MRC2: variants seen among roughly 807,000 people sequenced by gnomAD.
MRC2 encodes the protein mannose receptor C-type 2, also known as C-type mannose receptor 2.
Under a neutral mutation model 206.2 loss-of-function variants are expected in MRC2, and 84 were observed. The ratio of observed to expected loss-of-function variants is 0.41; its 90% CI spans 0.34 to 0.49. MRC2 has a LOEUF of 0.49. Among genes scored for constraint, MRC2 ranks in the 20% least tolerant of loss-of-function variants. The pLI is 0.31. For missense variants in MRC2, 1,676 were observed against 2,001.5 expected (o/e 0.84, Z 3.10); for synonymous variants, 798 against 800.0 (o/e 1.00, Z 0.04).
At chr17:62,634,275 A>G (rs2088284018) in intron 1 of MRC2, among the ~76,000 whole-genome samples, 1 of 152,122 alleles carries the variant, frequency 6.6e-6, no homozygotes, top group Non-Finnish European at 1.5e-5. Flanking sequence ...TTAGTGTATA[A>G]AAAAATGGGC....
Position 62,672,852 on chromosome 17 carries a change from C to T in MRC2, c.1461+700C>T, listed in dbSNP as rs1051678484. 6.6e-5 allele frequency among the ~76,000 whole-genome samples: 10 copies of T among 152,122 alleles called. No homozygotes were observed. The highest frequency in any genetic ancestry group is 2.4e-4 in the African/African-American group (10 of 41,486). On this transcript the variant is annotated intron_variant, in intron 8 of 29. Transcript: ENST00000303375. This position sits in a 1 kb window ranked among gnomAD's most constrained non-coding sequence, Gnocchi z 4.5. The stretch of plus-strand genomic sequence containing the variant: ...ACTAAAAATACAAAAATTAGCCAGG[C>T]GTGGTGGCAGATGCCTGTAATCCCA...
At chr17:62,655,113 GTC>G (rs1456167064) in intron 1 of MRC2, among the ~76,000 whole-genome samples, 4 of 152,162 alleles carry the variant, frequency 2.6e-5, no homozygotes, top group Non-Finnish European at 4.4e-5. Context: ...GTGAAACCCT[GTC>G]TCTACTATAA....
chr17:62,672,333 T>C lies in MRC2; in HGVS notation c.1461+181T>C, dbSNP rs1412980101. 6.6e-6 allele frequency among the ~76,000 whole-genome samples: 1 copy of C among 152,094 alleles called. No individual in the cohort carries two copies. Among genetic ancestry groups the C allele is most frequent in the Non-Finnish European group, 1.5e-5 (1 of 68,006 alleles). ...ATGTGAGAGACTGCCGGGGCTTGAA[T>C]CCTACCTCCACCTCCACCTCCAAGT... On this transcript the variant is annotated intron_variant, in intron 8 of 29. Coordinates refer to ENST00000303375, the MANE Select transcript of MRC2 (RefSeq NM_006039.5). The surrounding 1 kb of genome is among the most constrained non-coding windows in gnomAD (Gnocchi z 4.5).
chr17:62,628,086 G>T (rs914025026), intron 1 of MRC2, among the ~76,000 whole-genome samples, 166 bp downstream of exon 1: 2 of 152,160 alleles, frequency 1.3e-5, no homozygotes, highest in East Asian at 1.9e-4. Context: ...TTCTGAAAGC[G>T]GGGGAGGAGA....
At chr17:62,655,983 C>G (rs1046032700) in intron 1 of MRC2, among the ~76,000 whole-genome samples, 1 of 152,070 alleles carries the variant, frequency 6.6e-6, no homozygotes, top group Non-Finnish European at 1.5e-5. Context: ...TCAGACTCCT[C>G]GGCTCAGTTA....
intron 1 of MRC2, among the ~76,000 whole-genome samples, chr17:62,646,313 C>T (rs184402922): frequency 1.4e-3 from 208 of 152,160 alleles, no homozygotes; most frequent in African/African-American, 3.3e-3. Flanking sequence ...CGTGAGCCAC[C>T]GCGCCCGGCC....
chr17:62,665,599 C>G (rs1228264343), intron 2 of MRC2, among the ~76,000 whole-genome samples: 3 of 152,196 alleles, frequency 2.0e-5, no homozygotes, highest in Non-Finnish European at 4.4e-5. Flanking sequence ...TGTAGCCCCC[C>G]ATGTTGTCTT....
At chr17:62,685,754 C>T (rs2089023980) in intron 20 of MRC2, among the ~76,000 whole-genome samples, 1 of 152,090 alleles carries the variant, frequency 6.6e-6, no homozygotes, top group Non-Finnish European at 1.5e-5. Context: ...GTTGTCCAGG[C>T]TGGTTTTGAA....
rs2088698050 is a variant in MRC2, at chr17:62,662,895, G to A, written c.119-1653G>A. 2.0e-5 allele frequency among the ~76,000 whole-genome samples: 3 copies of A among 152,042 alleles called. No homozygotes were observed. In the South Asian group the frequency reaches 6.2e-4, roughly 32 times the overall value. Reference sequence around the variant, plus strand: ...TTGCACTCCAGCCTGGGCAACACGAGCAATAGTCCGTCTCAAAAAAGAAAC... The same window carrying A: ...TTGCACTCCAGCCTGGGCAACACGAACAATAGTCCGTCTCAAAAAAGAAAC... On this transcript the variant is annotated intron_variant, in intron 1 of 29. Transcript: ENST00000303375.
intron 2 of MRC2, among the ~76,000 whole-genome samples, chr17:62,665,686 G>A (rs2088743491): frequency 6.6e-6 from 1 of 152,136 alleles, no homozygotes; most frequent in Non-Finnish European, 1.5e-5. Context: ...GGACAGCCCC[G>A]TCCTGGGGGG....
Position 62,671,148 on chromosome 17 carries a change from T to C in MRC2, c.1118-501T>C, listed in dbSNP as rs748358208. On this transcript the variant is annotated intron_variant, in intron 6 of 29. Transcript: ENST00000303375. This position sits in a 1 kb window ranked among gnomAD's most constrained non-coding sequence, Gnocchi z 4.5. ...GTTTAGTGGTGCAATCATGGCTCAC[T>C]GCAGCCTTGACCTCCCCGGGTCAAG... is the stretch of plus-strand genomic sequence containing the variant. Among the ~76,000 whole-genome samples the C allele has an allele frequency of 1.3e-5, 2 of 152,232 alleles. No homozygotes were observed. Among genetic ancestry groups the C allele is most frequent in the African/African-American group, 4.8e-5 (2 of 41,456 alleles).
In MRC2 at chr17:62,666,204, C is replaced by A. The variant is rs1209039095; in HGVS notation, c.631C>A (p.Leu211Met). The A allele has an allele frequency of 6.2e-7, 1 of 1,603,728 alleles. No individual in the cohort carries two copies. Among genetic ancestry groups the A allele is most frequent in the Non-Finnish European group, 8.5e-7 (1 of 1,175,420 alleles). Reference sequence around the variant, plus strand: ...CAGCACGGGCCGCGAGGATGGTCACCTGTGGTGTGCCACCACCCAGGACTA... The same window carrying A: ...CAGCACGGGCCGCGAGGATGGTCACATGTGGTGTGCCACCACCCAGGACTA... Reference protein sequence around the residue: ...CTSTGREDGHLWCATTQDYGK... With the variant: ...CTSTGREDGHMWCATTQDYGK... Residue 211 changes from leucine (L) to methionine (M), a missense_variant, in exon 3 of 30, where the codon CTG (leucine) becomes ATG (methionine). This residue lies in a region of MRC2 where 318 missense variants were observed against 346.7 expected (regional missense o/e 0.92). Transcript: ENST00000303375. This position sits in a 1 kb window ranked among gnomAD's most constrained non-coding sequence, Gnocchi z 5.0.
Position 62,664,747 on chromosome 17 carries a change from C to T in MRC2, c.318C>T (p.Ser106=), listed in dbSNP as rs908999141. 6.2e-7 allele frequency: 1 copy of T among 1,614,052 alleles called. No individual in the cohort carries two copies. The highest frequency in any genetic ancestry group is 2.2e-5 in the East Asian group (1 of 44,882). ...GGCCAGGCACCAACACCACGGCCTC[C>T]CTGGGCATGTATGAGTGTGACCGGG... is the stretch of plus-strand genomic sequence containing the variant. ...TGWPGTNTTA[S]LGMYECDREA... is the part of the protein sequence containing the mutation. The change falls in exon 2 of 30, where the codon TCC becomes TCT. Residue 106 remains serine, a synonymous_variant. Coordinates refer to ENST00000303375, the MANE Select transcript of MRC2 (RefSeq NM_006039.5). The surrounding 1 kb of genome is among the most constrained non-coding windows in gnomAD (Gnocchi z 4.7).
At chr17:62,649,190 G>A (rs150475209) in intron 1 of MRC2, among the ~76,000 whole-genome samples, 24 of 152,350 alleles carry the variant, frequency 1.6e-4, no homozygotes, top group African/African-American at 5.3e-4. Flanking sequence ...GGGCAGGCCC[G>A]GCTGATCTGT....
At chr17:62,629,591 G>A (rs2084199969) in intron 1 of MRC2, among the ~76,000 whole-genome samples, 1 of 152,202 alleles carries the variant, frequency 6.6e-6, no homozygotes, top group Non-Finnish European at 1.5e-5. Context: ...AGCAGGAGGA[G>A]GATGGAGCTG....
chr17:62,635,191 CTTTTT>C (rs35446845), intron 1 of MRC2, among the ~76,000 whole-genome samples: 5,750 of 101,784 alleles, frequency 0.056, 111 homozygotes, highest in Middle Eastern at 0.15. Flanking sequence ...CTATTTTTCT[CTTTTT>C]TTTTTTTTTT....
At chr17:62,644,880 C>T (rs2147441376) in intron 1 of MRC2, among the ~76,000 whole-genome samples, 1 of 152,252 alleles carries the variant, frequency 6.6e-6, no homozygotes, top group South Asian at 2.1e-4. Context: ...CTGCAGGGAA[C>T]CACCTGGTGC....
intron 1 of MRC2, among the ~76,000 whole-genome samples, chr17:62,648,787 G>A (rs571203623): frequency 7.2e-5 from 11 of 152,330 alleles, no homozygotes; most frequent in African/African-American, 2.6e-4. Flanking sequence ...AAACACTGGA[G>A]TCCTTGGCCG....
In MRC2 at chr17:62,667,129, C is replaced by T. The variant is rs2088767488; in HGVS notation, c.973+259C>T. ...CACCCCTGTGGGCAGCGGGCACCAG[C>T]GCACCCAGCAGCCTGGACGGGGAGG... On this transcript the variant is annotated intron_variant, in intron 5 of 29. Coordinates refer to ENST00000303375, the MANE Select transcript of MRC2 (RefSeq NM_006039.5). The surrounding 1 kb of genome is among the most constrained non-coding windows in gnomAD (Gnocchi z 4.1). 6.6e-6 allele frequency among the ~76,000 whole-genome samples: 1 copy of T among 152,056 alleles called. No individual in the cohort carries two copies. The highest frequency in any genetic ancestry group is 1.5e-5 in the Non-Finnish European group (1 of 67,986).
Sources: gnomAD v4.1 joint callset for allele counts (sites outside exome capture counted in the v4.1 genomes callset) on GRCh38, gnomAD v4.1.1 for gene constraint, gnomAD v4.1.1 regional missense constraint, Gnocchi (gnomAD v3.1) non-coding constraint, MANE v1.5 for transcripts, NCBI Gene and HGNC (gene_info 2026-07-23, HGNC 2026-07-21) for gene names.